The following KIAA1958 variants were observed in gnomAD, a reference collection of about 807,000 sequenced individuals.
KIAA1958 encodes the protein uncharacterized protein KIAA1958.
A neutral mutation model predicts 47.2 loss-of-function variants in KIAA1958; 14 were observed. The ratio of observed to expected loss-of-function variants is 0.30; its 90% confidence interval spans 0.20 to 0.46. The LOEUF (loss-of-function observed/expected upper bound fraction) is 0.46. Ranked by LOEUF, KIAA1958 falls within the 20% of genes least tolerant of loss-of-function variation. KIAA1958 has a pLI of 1.00. For missense variants in KIAA1958, 803 were observed against 909.2 expected, an observed-to-expected ratio of 0.88 and a Z score of 1.50; for synonymous variants, 354 against 353.3, an observed-to-expected ratio of 1.00 and a Z score of -0.02.
chr9:112,525,909 T>G (rs2132803010), intron 1 of KIAA1958, among the ~76,000 whole-genome samples: 3 of 140,022 alleles, frequency 2.1e-5, no homozygotes, highest in Non-Finnish European at 3.1e-5. Context: ...GAAAGCTTCA[T>G]TTATATTCTT....
At chr9:112,497,253 A>G (rs951774212) in intron 1 of KIAA1958, among the ~76,000 whole-genome samples, 3 of 152,194 alleles carry the variant, frequency 2.0e-5, no homozygotes, top group Non-Finnish European at 4.4e-5. Flanking sequence ...CCTTAATGTA[A>G]CTGTATTTAG....
At chr9:112,644,035 G>A (rs575165665) in intron 2 of KIAA1958, among the ~76,000 whole-genome samples, 10 of 151,982 alleles carry the variant, frequency 6.6e-5, no homozygotes, top group South Asian at 2.1e-4. Context: ...AAAATTAGCC[G>A]GGCGTAGTGG....
At chr9:112,593,686 C>T (rs1257201073) in intron 2 of KIAA1958, among the ~76,000 whole-genome samples, 1 of 151,484 alleles carries the variant, frequency 6.6e-6, no homozygotes, top group East Asian at 2.0e-4. Flanking sequence ...GTGCTGAGTA[C>T]AGGTGTGAGC....
chr9:112,536,027 C>T (rs1468861861), intron 1 of KIAA1958, among the ~76,000 whole-genome samples: 3 of 152,132 alleles, frequency 2.0e-5, no homozygotes, highest in East Asian at 3.9e-4. Context: ...AATGTGGCTC[C>T]CTTCCTTCCA....
At chr9:112,529,387 A>T (rs979884414) in intron 1 of KIAA1958, among the ~76,000 whole-genome samples, 2 of 152,152 alleles carry the variant, frequency 1.3e-5, no homozygotes, top group Non-Finnish European at 2.9e-5. Context: ...GAATTTCCTT[A>T]GTTTTTATTT....
intron 1 of KIAA1958, among the ~76,000 whole-genome samples, chr9:112,552,966 G>C (rs1277214504): frequency 2.6e-5 from 4 of 152,022 alleles, no homozygotes; most frequent in Non-Finnish European, 5.9e-5. Flanking sequence ...GCGCGCACAG[G>C]GTTCAGGAAT....
rs551944708 is a variant in KIAA1958 at position 112,492,093 on chromosome 9, A to G, written c.-25+4975A>G. Among the ~76,000 whole-genome samples, 418 of 152,334 alleles carry G rather than the reference A, an allele frequency of 2.7e-3. 1 individual carries two copies. The highest frequency in any genetic ancestry group is 4.4e-3 in the Non-Finnish European group (296 of 68,024). On this transcript the variant is annotated intron_variant, in intron 1 of 3. Coordinates refer to ENST00000337530, the MANE Select transcript of KIAA1958 (RefSeq NM_133465.4). Reference sequence around the variant, plus strand: ...AATATGTGTGAATTCTTAACCAGCTAGGACTACTTCCTCTTCTCAGCTTGT... The same window carrying G: ...AATATGTGTGAATTCTTAACCAGCTGGGACTACTTCCTCTTCTCAGCTTGT...
intron 2 of KIAA1958, among the ~76,000 whole-genome samples, chr9:112,579,524 A>G (rs891501485): frequency 6.6e-6 from 1 of 152,048 alleles, no homozygotes; most frequent in Non-Finnish European, 1.5e-5. Flanking sequence ...TCTCCGCTGA[A>G]TTGATTCAGA....
rs903575204 is a variant in KIAA1958 at position 112,661,243 on chromosome 9, A to G, written c.*1174A>G. 2.6e-5 allele frequency: 4 copies of G among 152,262 alleles called. No individual in the cohort carries two copies. The highest frequency in any genetic ancestry group is 9.6e-5 in the African/African-American group (4 of 41,474). The allele number at this position is 152,262 out of a possible 1,614,324, so 9.4% of individuals were successfully genotyped here. On this transcript the variant is annotated 3_prime_UTR_variant, in exon 4 of 4. Coordinates refer to ENST00000337530, the MANE Select transcript of KIAA1958 (RefSeq NM_133465.4). ...AAGGATGTAGTTATAAAATTAGCGC[A>G]TAATGGTAGGTAATGCAGTTTGAAA...
At chr9:112,506,799 T>C (rs1291441272) in intron 1 of KIAA1958, among the ~76,000 whole-genome samples, 3 of 152,172 alleles carry the variant, frequency 2.0e-5, no homozygotes, top group Non-Finnish European at 4.4e-5. Context: ...TTTGCCTTTT[T>C]TTGCCGGATC....
At chr9:112,550,729 G>A (rs946752449) in intron 1 of KIAA1958, among the ~76,000 whole-genome samples, 4 of 152,082 alleles carry the variant, frequency 2.6e-5, no homozygotes, top group African/African-American at 9.7e-5. Context: ...TACCAACCAG[G>A]GAAGCTCACC....
chr9:112,642,466 T>G (rs10739369), intron 2 of KIAA1958, among the ~76,000 whole-genome samples: 63,735 of 152,048 alleles, frequency 0.42, 14,553 homozygotes, highest in East Asian at 0.65. Flanking sequence ...CCTTTCTCTG[T>G]CCCCTCAGGG....
At chr9:112,530,518 T>C (rs565610024) in intron 1 of KIAA1958, among the ~76,000 whole-genome samples, 1 of 152,330 alleles carries the variant, frequency 6.6e-6, no homozygotes, top group South Asian at 2.1e-4. Context: ...ACAGATTACA[T>C]TTTTTCATTA....
Position 112,574,219 on chromosome 9 carries a change from A to G in KIAA1958, c.139A>G (p.Met47Val), listed in dbSNP as rs370659943. The change falls in exon 2 of 4, where the codon ATG becomes GTG. Residue 47 changes from methionine to valine, a missense_variant. Physicochemically the swap from Met to Val is conservative, Grantham distance 21. Coordinates refer to ENST00000337530, the MANE Select transcript of KIAA1958 (RefSeq NM_133465.4). ...SEGSHGNLTAMWGCSAGHAYH... is the reference protein window; with the variant it reads ...SEGSHGNLTAVWGCSAGHAYH... ...AGGTTCCCATGGGAACCTGACAGCA[A>G]TGTGGGGCTGTAGTGCTGGCCATGC... The G allele has an allele frequency of 1.1e-5, 18 of 1,614,030 alleles. No individual in the cohort carries two copies. The highest frequency in any genetic ancestry group is 1.5e-5 in the Non-Finnish European group (18 of 1,180,002).
intron 2 of KIAA1958, among the ~76,000 whole-genome samples, chr9:112,602,155 T>A (rs1419048): frequency 0.96 from 146,083 of 152,288 alleles, 70,111 homozygotes; most frequent in African/African-American, 0.99. Flanking sequence ...CTTTTTAATT[T>A]TATTTTATGG....
At chr9:112,647,194 G>A (rs1836989553) in intron 3 of KIAA1958, among the ~76,000 whole-genome samples, 2 of 151,882 alleles carry the variant, frequency 1.3e-5, no homozygotes, top group African/African-American at 4.8e-5. Context: ...TGCAACAGAA[G>A]CAGTGACCAG....
chr9:112,557,029 G>A (rs1321928524), intron 1 of KIAA1958, among the ~76,000 whole-genome samples: 1 of 152,010 alleles, frequency 6.6e-6, no homozygotes, highest in Admixed American at 6.6e-5. Context: ...CCCAATCATG[G>A]CTCACTGCAG....
intron 1 of KIAA1958, among the ~76,000 whole-genome samples, chr9:112,492,269 G>T (rs1018282288): frequency 6.6e-6 from 1 of 152,208 alleles, no homozygotes; most frequent in Non-Finnish European, 1.5e-5. Context: ...TTGGCTGATG[G>T]ATGGCTGTCT....
intron 2 of KIAA1958, among the ~76,000 whole-genome samples, chr9:112,616,212 T>C (rs1365848294): frequency 6.6e-6 from 1 of 152,198 alleles, no homozygotes; most frequent in Non-Finnish European, 1.5e-5. Flanking sequence ...AAAAGTTAAG[T>C]GTATTGGAGC....
Sources: allele counts gnomAD v4.1 joint callset (sites outside exome capture counted in the v4.1 genomes callset), GRCh38; gene constraint gnomAD v4.1.1; transcripts MANE v1.5; gene names NCBI Gene and HGNC (gene_info 2026-07-23, HGNC 2026-07-21).